SYS1: variants seen among roughly 807,000 people sequenced by gnomAD.
SYS1 encodes the protein SYS1 golgi trafficking protein.
Under a neutral mutation model 17.8 loss-of-function variants are expected in SYS1, and 8 were observed. The ratio of observed to expected loss-of-function variants is 0.45; its 90% CI spans 0.26 to 0.81. The LOEUF (loss-of-function observed/expected upper bound fraction) is 0.81, where lower values mean the gene tolerates loss of function less well. SYS1 is among the 40% of genes least tolerant of loss of function. SYS1 has a pLI of 0.16. For synonymous variants in SYS1, 95 were observed against 90.9 expected (o/e 1.05, Z -0.26); for missense variants, 161 against 203.9 (o/e 0.79, Z 1.28).
rs2245717 is a variant in SYS1 at position 45,367,240 on chromosome 20, T to G, written c.*125T>G. 0.77 allele frequency: 1,163,247 copies of G among 1,506,226 alleles called. 450,965 individuals are homozygous for G. Among genetic ancestry groups the G allele is most frequent in the African/African-American group, 0.85 (61,445 of 72,008 alleles). 93.3% of individuals were successfully genotyped at this position (1,506,226 alleles called of 1,614,324 possible). A position where few individuals can be genotyped will look rare whatever the true frequency, so the allele number is the denominator to read the frequency against. On this transcript the variant is annotated 3_prime_UTR_variant, in exon 4 of 4. Transcript: ENST00000243918. ...CTGGAAATGTGAAGTCTCTGTTGGT[T>G]TGGGAGAGATAGTGAGGGCCTGTCA...
chr20:45,365,788 TG>T (rs1334559303), intron 3 of SYS1, 102 bp downstream of exon 3: 3 of 1,237,602 alleles, frequency 2.4e-6, no homozygotes, highest in Non-Finnish European at 3.6e-6. Flanking sequence ...TTCTGGGGAG[TG>T]GTGGAGTAAA....
At chr20:45,374,276 CCTTT>C (rs1229351910) in intron 3 of SYS1, 1 of 697,084 alleles carries the variant, frequency 1.4e-6, no homozygotes, top group African/African-American at 1.8e-5. Context: ...ATCTTTTTTT[CCTTT>C]CTTTTTTTTT....
exon 4 of SYS1, chr20:45,374,710 C>T (rs1214011803): frequency 4.5e-6 from 2 of 444,304 alleles, no homozygotes; most frequent in East Asian, 3.7e-5. Context: ...CTTAAACCCA[C>T]TTATGTAGGC....
upstream of SYS1, chr20:45,362,928 C>G (rs974285462): frequency 7.5e-5 from 13 of 172,496 alleles, no homozygotes; most frequent in African/African-American, 1.2e-4. Flanking sequence ...CCCCACTTGC[C>G]TCTCCCCTAG....
At position 45,368,925 on chromosome 20, in the gene SYS1, G is replaced by A. The variant is rs538812420; in HGVS notation, c.*1810G>A. The stretch of plus-strand genomic sequence containing the variant: ...TTTGGGATTCACTTCAAGGTCTTGT[G>A]CCTATTTTTCTGCATATCTTCTGTG... On this transcript the variant is annotated 3_prime_UTR_variant, in exon 4 of 4. Coordinates refer to ENST00000243918, the MANE Select transcript of SYS1 (RefSeq NM_033542.4). 29 of 966,374 alleles carry A rather than the reference G, an allele frequency of 3.0e-5. No individual in the cohort carries two copies. In the African/African-American group the frequency reaches 5.1e-4, roughly 17 times the overall value. 59.9% of individuals were successfully genotyped at this position (966,374 alleles called of 1,614,324 possible).
chr20:45,365,590 GTA>G, intron 2 of SYS1, 27 bp from the exon 3 acceptor site: 1 of 1,611,772 alleles, frequency 6.2e-7, no homozygotes, highest in Non-Finnish European at 8.5e-7. Flanking sequence ...CACTTCTCCA[GTA>G]TATTTCCATT....
chr20:45,366,837 C>A (rs1214682913), intron 3 of SYS1, 38 bp from the exon 4 acceptor site: 4 of 1,576,836 alleles, frequency 2.5e-6, no homozygotes. Flanking sequence ...AAGGCCAGGA[C>A]AACCCAGTGA....
downstream of SYS1, chr20:45,369,273 C>G (rs962852704): frequency 2.6e-5 from 4 of 152,126 alleles, no homozygotes; most frequent in South Asian, 2.1e-4. Flanking sequence ...CAAGAACCCT[C>G]TGAAGTAAGA....
At chr20:45,374,955 T>C (rs1019252239) in exon 4 of SYS1, 5 of 1,533,206 alleles carry the variant, frequency 3.3e-6, no homozygotes, top group Non-Finnish European at 4.4e-6. Flanking sequence ...CTCCAGATCC[T>C]GAACCCTGAC....
chr20:45,374,131 T>C (rs1327443254), downstream of SYS1: 7 of 906,288 alleles, frequency 7.7e-6, no homozygotes, highest in African/African-American at 1.7e-5. Context: ...ATGCCTTTGC[T>C]AAAAAGGAAA....
At chr20:45,373,963 A>G (rs1988636941), downstream of SYS1, 1 of 1,613,950 alleles carries the variant, frequency 6.2e-7, no homozygotes, top group Non-Finnish European at 8.5e-7. Flanking sequence ...TGATGGCGCG[A>G]TCTCCACCCT....
chr20:45,374,618 T>C (rs558127325), exon 4 of SYS1: 69 of 449,810 alleles, frequency 1.5e-4, no homozygotes, highest in African/African-American at 1.3e-3. Flanking sequence ...CAAACATAAA[T>C]AGAGAGTTGA....
chr20:45,364,415 A>G (rs921364308), intron 2 of SYS1, among the ~76,000 whole-genome samples: 5 of 151,150 alleles, frequency 3.3e-5, no homozygotes, highest in East Asian at 2.0e-4. Flanking sequence ...AAGGAGGCCT[A>G]TAAGTTGTTA....
upstream of SYS1, chr20:45,363,005 CT>C: frequency 1.4e-6 from 1 of 694,004 alleles, no homozygotes; most frequent in Non-Finnish European, 1.8e-6. Flanking sequence ...TCGTTCCTCT[CT>C]TCCGTTTGCC....
intron 3 of SYS1, 67 bp from the exon 4 acceptor site, chr20:45,366,808 C>A: frequency 1.5e-6 from 2 of 1,362,118 alleles, no homozygotes; most frequent in Non-Finnish European, 1.0e-6. Flanking sequence ...CTAATTGTCC[C>A]TACCCTCCCA....
chr20:45,368,135 G>A lies in SYS1; in HGVS notation c.*1020G>A. The A allele has an allele frequency of 1.0e-6, 1 of 985,432 alleles. No homozygotes were observed. The highest frequency in any genetic ancestry group is 1.2e-6 in the Non-Finnish European group (1 of 829,936). The allele number at this position is 985,432 out of a possible 1,614,324, so 61.0% of individuals were successfully genotyped here. On this transcript the variant is annotated 3_prime_UTR_variant, in exon 4 of 4. Coordinates refer to ENST00000243918, the MANE Select transcript of SYS1 (RefSeq NM_033542.4). ...CCATGGTTCTGCCTGCACTTACTTTGTAATGCCACGGTTGAGATTGAGAGA... is the reference window on the plus strand; with the variant it reads ...CCATGGTTCTGCCTGCACTTACTTTATAATGCCACGGTTGAGATTGAGAGA...
At chr20:45,369,596 C>CTTTT (rs573922300), downstream of SYS1, among the ~76,000 whole-genome samples, 93 of 102,878 alleles carry the variant, frequency 9.0e-4, 1 homozygote, top group African/African-American at 3.7e-3. Context: ...CAGAGATTTC[C>CTTTT]TTTTTTTTTT....
chr20:45,373,831 C>T (rs1600754416), downstream of SYS1: 13 of 1,458,488 alleles, frequency 8.9e-6, no homozygotes, highest in East Asian at 2.9e-4. Context: ...CCGAAGGCCT[C>T]TTTCCTTCAT....
chr20:45,364,244 G>A (rs1988326720), intron 2 of SYS1, among the ~76,000 whole-genome samples: 1 of 152,162 alleles, frequency 6.6e-6, no homozygotes, highest in South Asian at 2.1e-4. Context: ...GTTCAGTCTA[G>A]GCCTAAACAT....
Sources: gnomAD v4.1 joint callset for allele counts (sites outside exome capture counted in the v4.1 genomes callset) on GRCh38, gnomAD v4.1.1 for gene constraint, MANE v1.5 for transcripts, NCBI Gene and HGNC (gene_info 2026-07-23, HGNC 2026-07-21) for gene names.